Variants in DOCK3 observed in about 807,000 individuals in gnomAD.
DOCK3 encodes dedicator of cytokinesis protein 3.
A neutral mutation model predicts 265.6 loss-of-function variants in DOCK3; 60 were observed. That is an observed-to-expected ratio of 0.23 (90% CI 0.18 to 0.28). The LOEUF (loss-of-function observed/expected upper bound fraction) is 0.28, where lower values mean the gene tolerates loss of function less well. DOCK3 is among the 10% of genes least tolerant of loss of function. The pLI, the probability that DOCK3 is intolerant of heterozygous loss-of-function variation, is 1.00. For synonymous variants in DOCK3, 881 were observed against 938.0 expected, an observed-to-expected ratio of 0.94 and a Z score of 1.11; for missense variants, 1,981 against 2,594.3, an observed-to-expected ratio of 0.76 and a Z score of 5.14.
intron 4 of DOCK3, among the ~76,000 whole-genome samples, chr3:50,926,163 G>A (rs1035931624): frequency 7.2e-5 from 11 of 152,072 alleles, no homozygotes; most frequent in Non-Finnish European, 5.9e-5. Flanking sequence ...GTGCCCGAGT[G>A]CTTCTCTCCT....
chr3:51,063,618 G>T (rs569576976), intron 5 of DOCK3, among the ~76,000 whole-genome samples: 1 of 152,058 alleles, frequency 6.6e-6, no homozygotes, highest in African/African-American at 2.4e-5. Flanking sequence ...TACATCCCAA[G>T]AATTTTAATT....
intron 2 of DOCK3, among the ~76,000 whole-genome samples, chr3:50,794,033 C>T (rs562279248): frequency 3.9e-5 from 6 of 152,214 alleles, no homozygotes; most frequent in Admixed American, 2.6e-4. Context: ...TATGTGTAAT[C>T]GTAAGGTTTT....
At chr3:51,375,673 C>T (rs2088051021) in intron 50 of DOCK3, 75 bp from the exon 51 acceptor site, 6 of 1,523,868 alleles carry the variant, frequency 3.9e-6, no homozygotes, top group Non-Finnish European at 5.5e-6. Flanking sequence ...TCCTGTCTCT[C>T]GTCGCCCACA....
chr3:50,886,986 AG>A (rs2048375448), intron 3 of DOCK3, among the ~76,000 whole-genome samples: 1 of 152,178 alleles, frequency 6.6e-6, no homozygotes, highest in Non-Finnish European at 1.5e-5. Flanking sequence ...TTCAAAAGCT[AG>A]CAGAAGGCAA....
At chr3:50,796,185 C>T (rs143251512) in intron 2 of DOCK3, among the ~76,000 whole-genome samples, 706 of 151,648 alleles carry the variant, frequency 4.7e-3, no homozygotes, top group Non-Finnish European at 7.0e-3. Context: ...GGACTATAGG[C>T]GCCCACCACC....
At chr3:51,137,341 A>G (rs185216045) in intron 9 of DOCK3, among the ~76,000 whole-genome samples, 266 of 152,354 alleles carry the variant, frequency 1.7e-3, no homozygotes, top group Non-Finnish European at 3.3e-3. Context: ...GTTGGCATCC[A>G]TATTCATGGA....
At chr3:51,350,256 C>A in intron 39 of DOCK3, 32 bp from the exon 40 acceptor site, 1 of 1,577,676 alleles carries the variant, frequency 6.3e-7, no homozygotes, top group South Asian at 1.2e-5. Context: ...CAACAGCAGT[C>A]AAGCCAACCT....
intron 6 of DOCK3, among the ~76,000 whole-genome samples, chr3:51,066,533 C>A (rs2081597573): frequency 6.6e-6 from 1 of 152,056 alleles, no homozygotes; most frequent in Non-Finnish European, 1.5e-5. Context: ...ATTTGCCAGC[C>A]AGAGTTTTAT....
intron 1 of DOCK3, among the ~76,000 whole-genome samples, chr3:50,736,582 TG>T (rs1396389107): frequency 2.0e-5 from 3 of 152,222 alleles, no homozygotes; most frequent in African/African-American, 7.2e-5. Context: ...GACTTTTTAA[TG>T]ATTGCCATTC....
chr3:50,941,433 GTGGAT>G (rs1182315876), intron 5 of DOCK3, among the ~76,000 whole-genome samples: 1 of 152,114 alleles, frequency 6.6e-6, no homozygotes, highest in Non-Finnish European at 1.5e-5. Context: ...TGCCAAGGAT[GTGGAT>G]CTGCATCTCT....
intron 7 of DOCK3, among the ~76,000 whole-genome samples, chr3:51,081,917 G>A (rs1576003314): frequency 2.1e-5 from 3 of 140,194 alleles, no homozygotes; most frequent in East Asian, 2.1e-4. Context: ...AAAAAAATTC[G>A]AAACTGGAGG....
intron 9 of DOCK3, among the ~76,000 whole-genome samples, chr3:51,122,221 T>G (rs557657314): frequency 2.6e-4 from 40 of 152,364 alleles, no homozygotes; most frequent in African/African-American, 9.6e-4. Flanking sequence ...GGCTCATGCC[T>G]GTAATCCCAG....
chr3:50,743,675 C>T, intron 1 of DOCK3, among the ~76,000 whole-genome samples: 1 of 151,934 alleles, frequency 6.6e-6, no homozygotes, highest in African/African-American at 2.4e-5. Context: ...TACAGGAGCA[C>T]CCAGATTCAT....
intron 3 of DOCK3, among the ~76,000 whole-genome samples, chr3:50,857,411 T>G (rs138352037): frequency 6.6e-6 from 1 of 152,228 alleles, no homozygotes; most frequent in East Asian, 1.9e-4. Flanking sequence ...GAGATTCTTT[T>G]CAAAAATTAT....
chr3:50,856,237 TC>T (rs2046590462), intron 3 of DOCK3, among the ~76,000 whole-genome samples: 1 of 152,240 alleles, frequency 6.6e-6, no homozygotes, highest in Admixed American at 6.5e-5. Flanking sequence ...TATTTCTGAT[TC>T]TGGGTCTTTG....
chr3:50,737,860 A>T (rs554114031), intron 1 of DOCK3, among the ~76,000 whole-genome samples: 60 of 152,322 alleles, frequency 3.9e-4, no homozygotes, highest in Non-Finnish European at 7.1e-4. Context: ...AACTAATATA[A>T]GACAGTTATT....
At chr3:51,090,450 G>A in intron 9 of DOCK3, 66 bp downstream of exon 9, 3 of 1,462,644 alleles carry the variant, frequency 2.1e-6, no homozygotes, top group Non-Finnish European at 2.7e-6. Flanking sequence ...GGCATCTCTG[G>A]CCATCAGAGA....
chr3:50,711,789 C>A (rs964796530), intron 1 of DOCK3, among the ~76,000 whole-genome samples: 1 of 152,102 alleles, frequency 6.6e-6, no homozygotes, highest in Non-Finnish European at 1.5e-5. Flanking sequence ...TCCAGAGAAG[C>A]CATCTGGGCT....
At chr3:51,222,286 G>A (rs1201003117) in intron 14 of DOCK3, among the ~76,000 whole-genome samples, 2 of 152,180 alleles carry the variant, frequency 1.3e-5, no homozygotes, top group African/African-American at 4.8e-5. Context: ...TTAACCCAGA[G>A]GCATGATCCC....
Sources: allele counts gnomAD v4.1 joint callset (sites outside exome capture counted in the v4.1 genomes callset), GRCh38; gene constraint gnomAD v4.1.1; transcripts MANE v1.5; gene names NCBI Gene and HGNC (gene_info 2026-07-23, HGNC 2026-07-21).